ROBO2: variants seen among roughly 807,000 people sequenced by gnomAD.
The protein encoded by ROBO2 is roundabout guidance receptor 2.
ROBO2 carries 53 observed loss-of-function variants against 160.8 expected under a neutral mutation model. The observed-to-expected ratio is 0.33, with a 90% CI of 0.26 to 0.41. The LOEUF (loss-of-function observed/expected upper bound fraction) is 0.41, where lower values mean the gene tolerates loss of function less well. Ranked by LOEUF, ROBO2 falls within the 10% of genes least tolerant of loss-of-function variation. ROBO2 has a pLI of 1.00. For missense variants in ROBO2, 1,577 were observed against 1,722.4 expected (o/e 0.92, Z 1.49); for synonymous variants, 664 against 611.7 (o/e 1.09, Z -1.26).
chr3:76,081,181 T>A (rs1331325462), intron 2 of ROBO2, among the ~76,000 whole-genome samples: 6 of 151,998 alleles, frequency 3.9e-5, no homozygotes, highest in African/African-American at 1.4e-4. Flanking sequence ...ATATATATTC[T>A]ATTCCATGTA....
At chr3:76,396,435 C>A (rs893380753) in intron 2 of ROBO2, among the ~76,000 whole-genome samples, 2 of 152,116 alleles carry the variant, frequency 1.3e-5, no homozygotes, top group Admixed American at 6.5e-5. Context: ...CCCTCTCTCA[C>A]CACTCCTATT....
intron 4 of ROBO2, among the ~76,000 whole-genome samples, chr3:77,481,631 AG>A (rs1335311727): frequency 6.6e-6 from 1 of 152,178 alleles, no homozygotes; most frequent in East Asian, 1.9e-4. Context: ...TCCAGTTCTT[AG>A]AAATTCAAAC....
At chr3:76,931,053 T>A (rs1289394205) in intron 2 of ROBO2, among the ~76,000 whole-genome samples, 1 of 152,184 alleles carries the variant, frequency 6.6e-6, no homozygotes, top group African/African-American at 2.4e-5. Context: ...CTGTTTTCAC[T>A]GCTGCCTCAT....
intron 2 of ROBO2, among the ~76,000 whole-genome samples, chr3:76,149,945 A>G (rs71315337): frequency 6.6e-6 from 1 of 151,688 alleles, no homozygotes; most frequent in Non-Finnish European, 1.5e-5. Context: ...TAAAACACAC[A>G]TCTGTCTAAA....
At chr3:76,685,192 GTTTT>G (rs57691150) in intron 2 of ROBO2, among the ~76,000 whole-genome samples, 132 of 128,330 alleles carry the variant, frequency 1.0e-3, no homozygotes, top group Admixed American at 9.4e-3. Context: ...GGTTGGTTGT[GTTTT>G]TTTTTTTTTT....
At chr3:76,992,359 AT>A (rs1356821900) in intron 2 of ROBO2, among the ~76,000 whole-genome samples, 1 of 64,482 alleles carries the variant, frequency 1.6e-5, no homozygotes, top group Non-Finnish European at 2.9e-5. Context: ...ATATATATAT[AT>A]ATATATATAA....
intron 2 of ROBO2, among the ~76,000 whole-genome samples, chr3:76,133,415 G>A (rs1031651959): frequency 1.3e-5 from 2 of 151,882 alleles, no homozygotes; most frequent in African/African-American, 4.8e-5. Flanking sequence ...ACTAATACAT[G>A]TATTAGTCTA....
intron 2 of ROBO2, among the ~76,000 whole-genome samples, chr3:76,575,039 GA>G (rs1385233743): frequency 2.0e-5 from 3 of 152,064 alleles, no homozygotes; most frequent in Admixed American, 2.0e-4. Context: ...AGAGAAAACA[GA>G]AAAATGTTTG....
chr3:76,186,922 T>G (rs904630973), intron 2 of ROBO2, among the ~76,000 whole-genome samples: 1 of 150,000 alleles, frequency 6.7e-6, no homozygotes, highest in Non-Finnish European at 1.5e-5. Context: ...ATCCTTACAT[T>G]CATATTGAAA....
At chr3:75,921,064 C>T (rs1280503675) in intron 1 of ROBO2, among the ~76,000 whole-genome samples, 1 of 152,014 alleles carries the variant, frequency 6.6e-6, no homozygotes, top group Non-Finnish European at 1.5e-5. Flanking sequence ...TGAATTTGAT[C>T]CTGTGATCAT....
At chr3:77,420,866 G>A (rs1414383773) in intron 2 of ROBO2, among the ~76,000 whole-genome samples, 1 of 152,074 alleles carries the variant, frequency 6.6e-6, no homozygotes, top group Non-Finnish European at 1.5e-5. Flanking sequence ...TATAAAATGA[G>A]TAGATTTATG....
chr3:76,189,563 A>G (rs182942602), intron 2 of ROBO2, among the ~76,000 whole-genome samples: 4 of 152,250 alleles, frequency 2.6e-5, no homozygotes, highest in Non-Finnish European at 5.9e-5. Context: ...TACATACAAA[A>G]CAGGGTAAAA....
intron 2 of ROBO2, among the ~76,000 whole-genome samples, chr3:77,233,388 A>T (rs1332156094): frequency 2.0e-5 from 3 of 152,130 alleles, no homozygotes; most frequent in Admixed American, 2.0e-4. Flanking sequence ...GCTGTTATGC[A>T]CTGGTAAAAC....
intron 2 of ROBO2, chr3:76,434,525 A>G: frequency 6.4e-7 from 1 of 1,572,108 alleles, no homozygotes; most frequent in Non-Finnish European, 8.7e-7. Context: ...AGATGTGGAT[A>G]AGAAGCATGT....
At chr3:77,631,647 A>T (rs942811067) in intron 23 of ROBO2, 1 of 152,140 alleles carries the variant, frequency 6.6e-6, no homozygotes. Flanking sequence ...TTGCTAGAAA[A>T]TTAAGAAAAA....
intron 2 of ROBO2, among the ~76,000 whole-genome samples, chr3:76,375,888 T>A (rs1347171747): frequency 6.6e-6 from 1 of 152,088 alleles, no homozygotes; most frequent in Admixed American, 6.6e-5. Context: ...GTGCAAACAT[T>A]TTTATCTAGT....
chr3:77,229,698 T>C (rs1285317772), intron 2 of ROBO2, among the ~76,000 whole-genome samples: 2 of 151,086 alleles, frequency 1.3e-5, no homozygotes, highest in East Asian at 3.9e-4. Flanking sequence ...TGGACCAAAT[T>C]GGACTAGCTC....
At chr3:77,424,518 G>C (rs970315981) in intron 2 of ROBO2, among the ~76,000 whole-genome samples, 1 of 152,190 alleles carries the variant, frequency 6.6e-6, no homozygotes, top group African/African-American at 2.4e-5. Flanking sequence ...CTTTGTCAAA[G>C]TGTTCTGTAT....
At chr3:77,216,040 A>T (rs2084898432) in intron 2 of ROBO2, among the ~76,000 whole-genome samples, 1 of 152,120 alleles carries the variant, frequency 6.6e-6, no homozygotes, top group Non-Finnish European at 1.5e-5. Context: ...GACCCACTTG[A>T]GGAGGCAGTC....
Sources: gnomAD v4.1 joint callset for allele counts (sites outside exome capture counted in the v4.1 genomes callset) on GRCh38, gnomAD v4.1.1 for gene constraint, MANE v1.5 for transcripts, NCBI Gene and HGNC (gene_info 2026-07-23, HGNC 2026-07-21) for gene names.